Variants in SLC7A1 observed in about 807,000 individuals in gnomAD.
SLC7A1 encodes solute carrier family 7 member 1, also known as high affinity cationic amino acid transporter 1.
A neutral mutation model predicts 53.9 loss-of-function variants in SLC7A1; 10 were observed. The observed-to-expected ratio is 0.19, with a 90% confidence interval of 0.11 to 0.31. The LOEUF (loss-of-function observed/expected upper bound fraction) is 0.31. Ranked by LOEUF, SLC7A1 falls within the 10% of genes least tolerant of loss-of-function variation. SLC7A1 has a pLI of 1.00. For missense variants in SLC7A1, 525 were observed against 827.2 expected, an observed-to-expected ratio of 0.63 and a Z score of 4.48; for synonymous variants, 342 against 338.7, an observed-to-expected ratio of 1.01 and a Z score of -0.11.
intron 11 of SLC7A1, 127 bp from the exon 12 acceptor site, chr13:29,516,373 G>C (rs1284499401): frequency 7.8e-6 from 5 of 644,034 alleles, no homozygotes; most frequent in Non-Finnish European, 1.1e-5. Context: ...GGGGAAGAGA[G>C]AGGGAGTGCC....
At chr13:29,519,318 T>C in intron 9 of SLC7A1, 129 bp downstream of exon 9, 1 of 585,544 alleles carries the variant, frequency 1.7e-6, no homozygotes, top group Non-Finnish European at 3.1e-6. Context: ...TCCCCTCTCC[T>C]TGGCAGCTCC....
chr13:29,592,956 G>C (rs887738435), intron 1 of SLC7A1, among the ~76,000 whole-genome samples: 10 of 152,082 alleles, frequency 6.6e-5, no homozygotes, highest in Non-Finnish European at 1.5e-4. Flanking sequence ...AGCAAAGGGA[G>C]GCCATGGGCA....
chr13:29,517,214 G>A lies in SLC7A1; in HGVS notation c.1607C>T (p.Ala536Val). The change falls in exon 11 of 13, where the codon GCC (alanine) becomes GTC (valine). Residue 536 changes from alanine (A) to valine (V), a missense_variant. By Grantham distance (64) the Ala-to-Val change is moderately conservative. Transcript: ENST00000380752. ...GCCCGTGACCACGGCACAGAGGAGG[G>A]CAGACCCTGCGAGCAGAAAGACTGC... ...LWAVFLLAGS[A>V]LLCAVVTGVI... 1 of 1,613,192 alleles carries A rather than the reference G, an allele frequency of 6.2e-7. No individual in the cohort carries two copies. The highest frequency in any genetic ancestry group is 8.5e-7 in the Non-Finnish European group (1 of 1,179,678).
chr13:29,564,636 T>C (rs1005702378), intron 1 of SLC7A1, among the ~76,000 whole-genome samples: 3 of 152,162 alleles, frequency 2.0e-5, no homozygotes, highest in African/African-American at 7.2e-5. Flanking sequence ...ACTTAGCAAA[T>C]GCAGTCAGAG....
rs778737230 is a variant in SLC7A1 at position 29,533,001 on chromosome 13, A to G, written c.371-19T>C. On this transcript the variant is annotated intron_variant, in intron 3 of 12. Coordinates refer to ENST00000380752, the MANE Select transcript of SLC7A1 (RefSeq NM_003045.5). Reference sequence around the variant, plus strand: ...GAAGTACCTGCCACAAAGCACACACAACAGAGGAGATGTGAGGACAACTGT... The same window carrying G: ...GAAGTACCTGCCACAAAGCACACACGACAGAGGAGATGTGAGGACAACTGT... The G allele has an allele frequency of 6.2e-7, 1 of 1,600,968 alleles. No homozygotes were observed. Among genetic ancestry groups the G allele is most frequent in the South Asian group, 1.1e-5 (1 of 89,522 alleles).
At chr13:29,580,035 T>G (rs946598463) in intron 1 of SLC7A1, among the ~76,000 whole-genome samples, 31 of 152,310 alleles carry the variant, frequency 2.0e-4, no homozygotes, top group African/African-American at 6.7e-4. Context: ...GGCGGATCCA[T>G]AATCATGGAA....
intron 7 of SLC7A1, among the ~76,000 whole-genome samples, chr13:29,522,786 A>C (rs1480127106): frequency 6.6e-6 from 1 of 152,242 alleles, no homozygotes; most frequent in Non-Finnish European, 1.5e-5. Flanking sequence ...CAGAAAATAC[A>C]AGCATCACTG....
chr13:29,552,240 CACACACACACACACAG>C (rs1870228758), intron 2 of SLC7A1, among the ~76,000 whole-genome samples: 1 of 151,530 alleles, frequency 6.6e-6, no homozygotes, highest in African/African-American at 2.4e-5. Context: ...CACACACACA[CACACACACACACACAG>C]ACACACACAC....
At chr13:29,528,013 G>A (rs1868976413) in intron 5 of SLC7A1, among the ~76,000 whole-genome samples, 1 of 152,244 alleles carries the variant, frequency 6.6e-6, no homozygotes, top group African/African-American at 2.4e-5. Flanking sequence ...TGCATCTGCT[G>A]AGAAATGTCC....
At chr13:29,560,351 T>A (rs2139150238) in intron 1 of SLC7A1, among the ~76,000 whole-genome samples, 1 of 152,176 alleles carries the variant, frequency 6.6e-6, no homozygotes, top group East Asian at 1.9e-4. Context: ...AATACCTGCC[T>A]GAGGTGATTT....
At chr13:29,590,085 C>T (rs1051253428) in intron 1 of SLC7A1, among the ~76,000 whole-genome samples, 9 of 152,154 alleles carry the variant, frequency 5.9e-5, no homozygotes, top group Non-Finnish European at 1.3e-4. Context: ...AAGGACACTT[C>T]GAACACGTCC....
At chr13:29,548,446 G>C (rs540997925) in intron 2 of SLC7A1, among the ~76,000 whole-genome samples, 1 of 152,218 alleles carries the variant, frequency 6.6e-6, no homozygotes, top group East Asian at 1.9e-4. Flanking sequence ...CTGGCACCCT[G>C]GTCTGTGATC....
At chr13:29,528,719 C>G (rs1281619904) in intron 5 of SLC7A1, among the ~76,000 whole-genome samples, 1 of 152,230 alleles carries the variant, frequency 6.6e-6, no homozygotes, top group Non-Finnish European at 1.5e-5. Flanking sequence ...CTAACATGGC[C>G]GATCCCCTGC....
intron 2 of SLC7A1, among the ~76,000 whole-genome samples, chr13:29,544,476 G>A (rs1032133323): frequency 2.0e-5 from 3 of 152,002 alleles, no homozygotes; most frequent in African/African-American, 7.3e-5. Context: ...TCATCTTTTC[G>A]CCCCCTTATC....
At chr13:29,546,998 C>T (rs142281544) in intron 2 of SLC7A1, among the ~76,000 whole-genome samples, 60 of 152,218 alleles carry the variant, frequency 3.9e-4, no homozygotes, top group Non-Finnish European at 8.2e-4. Flanking sequence ...CCTGCTGTCA[C>T]GTAACTTGTA....
intron 5 of SLC7A1, among the ~76,000 whole-genome samples, chr13:29,526,311 AT>A (rs1326083506): frequency 6.9e-6 from 1 of 145,116 alleles, no homozygotes; most frequent in African/African-American, 2.7e-5. Context: ...CAAAAAAAAA[AT>A]TTTTTTCTGA....
chr13:29,569,545 G>A (rs1435467658), intron 1 of SLC7A1, among the ~76,000 whole-genome samples: 1 of 152,118 alleles, frequency 6.6e-6, no homozygotes, highest in African/African-American at 2.4e-5. Flanking sequence ...ATGAGGCGGG[G>A]GCTGCAATAA....
chr13:29,592,239 CAAT>C (rs1872141582), intron 1 of SLC7A1, among the ~76,000 whole-genome samples: 1 of 152,200 alleles, frequency 6.6e-6, no homozygotes, highest in Non-Finnish European at 1.5e-5. Flanking sequence ...TCACCAAATG[CAAT>C]ACCTGCCATT....
intron 1 of SLC7A1, among the ~76,000 whole-genome samples, chr13:29,569,823 A>G (rs1009741560): frequency 6.6e-6 from 1 of 152,172 alleles, no homozygotes; most frequent in African/African-American, 2.4e-5. Flanking sequence ...CTGAACCTCA[A>G]AGAGTTTCAG....
Sources: gnomAD v4.1 joint callset for allele counts (sites outside exome capture counted in the v4.1 genomes callset) on GRCh38, gnomAD v4.1.1 for gene constraint, MANE v1.5 for transcripts, NCBI Gene and HGNC (gene_info 2026-07-23, HGNC 2026-07-21) for gene names.